The following GRID2 variants were observed in gnomAD, a reference collection of about 807,000 sequenced individuals.
GRID2 encodes glutamate ionotropic receptor delta type subunit 2, also known as glutamate receptor ionotropic, delta-2.
In GRID2, 33 loss-of-function variants were observed where a neutral mutation model predicts 114.8. That is an observed-to-expected ratio of 0.29 (90% CI 0.22 to 0.38). The LOEUF is 0.38. GRID2 is among the 10% of genes least tolerant of loss of function. GRID2 has a pLI of 1.00. For missense variants in GRID2, 1,184 were observed against 1,257.7 expected (o/e 0.94, Z 0.89); for synonymous variants, 505 against 449.9 (o/e 1.12, Z -1.55).
chr4:92,810,798 T>C (rs1740630329), intron 2 of GRID2, among the ~76,000 whole-genome samples: 1 of 152,120 alleles, frequency 6.6e-6, no homozygotes, highest in African/African-American at 2.4e-5. Flanking sequence ...CTTATTTATT[T>C]ATTTTGTTTT....
chr4:92,382,454 C>T (rs774564401), intron 1 of GRID2, among the ~76,000 whole-genome samples: 2 of 151,610 alleles, frequency 1.3e-5, no homozygotes, highest in East Asian at 1.9e-4. Context: ...TGTTCTTGTT[C>T]GATATTTTAC....
At chr4:92,335,429 G>C (rs1727114977) in intron 1 of GRID2, among the ~76,000 whole-genome samples, 1 of 152,224 alleles carries the variant, frequency 6.6e-6, no homozygotes, top group Non-Finnish European at 1.5e-5. Context: ...TGCCCAGCAT[G>C]TAATGAACTC....
At chr4:92,416,862 C>T (rs1329960969) in intron 1 of GRID2, among the ~76,000 whole-genome samples, 2 of 151,854 alleles carry the variant, frequency 1.3e-5, no homozygotes, top group African/African-American at 4.8e-5. Context: ...GTTCTTTTTG[C>T]TTAGTCTTGC....
chr4:93,531,039 T>C (rs1180403268), intron 13 of GRID2, among the ~76,000 whole-genome samples: 1 of 152,184 alleles, frequency 6.6e-6, no homozygotes, highest in African/African-American at 2.4e-5. Flanking sequence ...CTGGTATGTT[T>C]ATGTAACTGA....
intron 1 of GRID2, among the ~76,000 whole-genome samples, chr4:92,547,329 G>A (rs570790840): frequency 9.9e-5 from 15 of 152,214 alleles, no homozygotes; most frequent in South Asian, 4.1e-4. Flanking sequence ...AATAGTTCTT[G>A]TATTGAATAT....
chr4:93,370,253 A>T (rs541488985), intron 8 of GRID2, among the ~76,000 whole-genome samples: 2 of 152,254 alleles, frequency 1.3e-5, no homozygotes, highest in African/African-American at 4.8e-5. Context: ...CAGATACATA[A>T]AGGAAAAGCA....
chr4:93,058,889 A>T (rs1727515796), intron 2 of GRID2, among the ~76,000 whole-genome samples: 2 of 152,046 alleles, frequency 1.3e-5, no homozygotes, highest in African/African-American at 2.4e-5. Context: ...TGCATTATAA[A>T]AGAAATTGTT....
chr4:92,388,134 C>A (rs1730066032), intron 1 of GRID2, among the ~76,000 whole-genome samples: 1 of 152,036 alleles, frequency 6.6e-6, no homozygotes, highest in South Asian at 2.1e-4. Flanking sequence ...CTAGAGAACT[C>A]TAAAAGGGGT....
At chr4:92,726,526 A>T (rs550877226) in intron 2 of GRID2, among the ~76,000 whole-genome samples, 10 of 152,220 alleles carry the variant, frequency 6.6e-5, no homozygotes, top group African/African-American at 2.4e-4. Context: ...TTCTTTTGTT[A>T]TGCATTGTAA....
In GRID2 at chr4:92,304,358, C is replaced by G. The variant is rs1009222021; in HGVS notation, c.-299C>G. 5 of 410,402 alleles carry G rather than the reference C, an allele frequency of 1.2e-5. No homozygotes were observed. The highest frequency in any genetic ancestry group is 2.2e-5 in the Non-Finnish European group (5 of 225,232). The allele number at this position is 410,402 out of a possible 1,614,324, so 25.4% of individuals were successfully genotyped here. A position where few individuals can be genotyped will look rare whatever the true frequency, so the allele number is the denominator to read the frequency against. Reference sequence around the variant, plus strand: ...CTGAGCCCCAGCCTCTCCCCCTGCCCAAGAGCAGTAGAGGCTGGATATATT... The same window carrying G: ...CTGAGCCCCAGCCTCTCCCCCTGCCGAAGAGCAGTAGAGGCTGGATATATT... On this transcript the variant is annotated 5_prime_UTR_variant, in exon 1 of 16. Coordinates refer to ENST00000282020, the MANE Select transcript of GRID2 (RefSeq NM_001510.4).
rs541407222 is a variant in GRID2 at position 92,987,318 on chromosome 4, A to C, written c.245-97677A>C. On this transcript the variant is annotated intron_variant, in intron 2 of 15. Coordinates refer to ENST00000282020, the MANE Select transcript of GRID2 (RefSeq NM_001510.4). ...GTTGATAGCCACAGCACAAGACAGA[A>C]GGGTAACTCTTCATGTAATGGCTTC... 2.0e-5 allele frequency among the ~76,000 whole-genome samples: 3 copies of C among 152,296 alleles called. No homozygotes were observed. The East Asian group carries it at 5.8e-4, about 29-fold the overall frequency.
intron 14 of GRID2, among the ~76,000 whole-genome samples, chr4:93,661,968 G>A (rs796253329): frequency 1.3e-5 from 2 of 152,154 alleles, no homozygotes; most frequent in African/African-American, 2.4e-5. Context: ...TGGGCTCCCC[G>A]CCTTGCCAGC....
intron 2 of GRID2, among the ~76,000 whole-genome samples, chr4:92,957,580 A>G (rs959581171): frequency 6.6e-6 from 1 of 151,934 alleles, no homozygotes; most frequent in Non-Finnish European, 1.5e-5. Context: ...TGAGTCAGGT[A>G]GTATCAGTCT....
intron 11 of GRID2, among the ~76,000 whole-genome samples, chr4:93,459,269 C>A: frequency 1.5e-5 from 2 of 137,140 alleles, no homozygotes; most frequent in Admixed American, 7.3e-5. Context: ...AGAGTGAAAA[C>A]ATAATTATAA....
chr4:93,656,829 C>CAAAAAAAAAAA lies in GRID2; in HGVS notation c.2360+30412_2360+30422dup, dbSNP rs61508444. On this transcript the variant is annotated intron_variant, in intron 14 of 15. Transcript: ENST00000282020. ...TGGGTGACAGAGCGAGACTCTGCCT[C>CAAAAAAAAAAA]AAAAAAAAAAAAAAAAAAAAAAAAA... is the stretch of plus-strand genomic sequence containing the variant. Among the ~76,000 whole-genome samples the CAAAAAAAAAAA allele has an allele frequency of 1.2e-3, 37 of 31,914 alleles. 2 individuals are homozygous for CAAAAAAAAAAA. Among genetic ancestry groups the CAAAAAAAAAAA allele is most frequent in the African/African-American group, 1.4e-3 (13 of 9,200 alleles). 20.9% of individuals were successfully genotyped at this position (31,914 alleles called of 152,430 possible). A position where few individuals can be genotyped will look rare whatever the true frequency, so the allele number is the denominator to read the frequency against.
At position 93,106,083 on chromosome 4, in the gene GRID2, G is replaced by T. The variant is rs956768693; in HGVS notation, c.530-4665G>T. On this transcript the variant is annotated intron_variant, in intron 3 of 15. Transcript: ENST00000282020. Reference sequence around the variant, plus strand: ...ATTAATGAGCCTTCCACCACCTGTTGTTATGTAATTATCTGGTCAGTAGAA... The same window carrying T: ...ATTAATGAGCCTTCCACCACCTGTTTTTATGTAATTATCTGGTCAGTAGAA... 7.9e-5 allele frequency among the ~76,000 whole-genome samples: 12 copies of T among 152,188 alleles called. No homozygotes were observed. In the South Asian group the frequency reaches 2.1e-3, roughly 26 times the overall value.
chr4:92,684,504 C>G (rs1043684005), intron 2 of GRID2, among the ~76,000 whole-genome samples: 1 of 151,924 alleles, frequency 6.6e-6, no homozygotes, highest in African/African-American at 2.4e-5. Context: ...TCTTTCCTAA[C>G]AAGAACATCA....
intron 2 of GRID2, among the ~76,000 whole-genome samples, chr4:92,666,569 T>C (rs1229162223): frequency 1.3e-5 from 2 of 151,298 alleles, no homozygotes; most frequent in African/African-American, 4.8e-5. Context: ...GCTGCTTTTA[T>C]TTTGATTTGG....
intron 14 of GRID2, among the ~76,000 whole-genome samples, chr4:93,736,300 G>A (rs1336013933): frequency 4.0e-5 from 6 of 151,880 alleles, no homozygotes; most frequent in Admixed American, 3.9e-4. Context: ...CTGCTGCTAG[G>A]CACTCCTCTA....
Sources: gnomAD v4.1 joint callset for allele counts (sites outside exome capture counted in the v4.1 genomes callset) on GRCh38, gnomAD v4.1.1 for gene constraint, MANE v1.5 for transcripts, NCBI Gene and HGNC (gene_info 2026-07-23, HGNC 2026-07-21) for gene names.